The following NEDD4 variants were observed in gnomAD, a reference collection of about 807,000 sequenced individuals.
NEDD4 encodes NEDD4 E3 ubiquitin protein ligase, also known as E3 ubiquitin-protein ligase NEDD4.
NEDD4 carries 99 observed loss-of-function variants against 144.9 expected under a neutral mutation model. The observed-to-expected ratio is 0.68, with a 90% CI of 0.58 to 0.81. NEDD4 has a LOEUF of 0.81. Among genes scored for constraint, NEDD4 ranks in the 30% least tolerant of loss-of-function variants. The pLI, the probability that NEDD4 is intolerant of heterozygous loss-of-function variation, is 0.00. For missense variants in NEDD4, 985 were observed against 1,065.9 expected (o/e 0.92, Z 1.06); for synonymous variants, 318 against 350.6 (o/e 0.91, Z 1.04).
chr15:55,912,487 T>G (rs1400832855), intron 5 of NEDD4, among the ~76,000 whole-genome samples: 2 of 152,002 alleles, frequency 1.3e-5, no homozygotes, highest in Non-Finnish European at 2.9e-5. Flanking sequence ...CTAATAAAAA[T>G]ATGAATATAA....
intron 4 of NEDD4, among the ~76,000 whole-genome samples, chr15:55,946,831 C>T (rs1180179641): frequency 6.6e-6 from 1 of 152,142 alleles, no homozygotes; most frequent in Non-Finnish European, 1.5e-5. Flanking sequence ...TGCAATCAAA[C>T]TAGAACTCAG....
At chr15:55,830,466 T>C (rs12910830) in intron 28 of NEDD4, 48 bp downstream of exon 28, 635,212 of 1,510,730 alleles carry the variant, frequency 0.42, 135,033 homozygotes, top group South Asian at 0.48. Context: ...AACAGAGGAA[T>C]CTCACTCTCT....
chr15:55,926,030 T>C lies in NEDD4; in HGVS notation c.238-1331A>G, dbSNP rs928189718. Among the ~76,000 whole-genome samples the C allele has an allele frequency of 1.3e-4, 20 of 152,204 alleles. 4 individuals are homozygous for C. The highest frequency in any genetic ancestry group is 4.8e-4 in the African/African-American group (20 of 41,552). ...ACAGTATGTAAAATACATATACGTA[T>C]GTATCATATACATATACAGTATGTA... On this transcript the variant is annotated intron_variant, in intron 4 of 28. Transcript: ENST00000435532.
chr15:55,923,533 G>A (rs1296598658), intron 5 of NEDD4, among the ~76,000 whole-genome samples: 1 of 151,690 alleles, frequency 6.6e-6, no homozygotes, highest in East Asian at 1.9e-4. Flanking sequence ...TGTGGTCCCA[G>A]CTACTAGGGA....
At chr15:55,840,271 T>C (rs1245980201) in intron 21 of NEDD4, among the ~76,000 whole-genome samples, 176 bp downstream of exon 21, 2 of 151,724 alleles carry the variant, frequency 1.3e-5, no homozygotes, top group African/African-American at 4.8e-5. Context: ...GTAAAATTCT[T>C]CCAACTTTAT....
At chr15:55,854,889 T>G (rs2034131003) in intron 12 of NEDD4, among the ~76,000 whole-genome samples, 2 of 152,258 alleles carry the variant, frequency 1.3e-5, no homozygotes, top group Non-Finnish European at 2.9e-5. Context: ...CCATCTAAAA[T>G]TGTGTCTTGG....
chr15:55,866,754 A>C (rs1293534834), intron 8 of NEDD4, among the ~76,000 whole-genome samples: 1 of 152,204 alleles, frequency 6.6e-6, no homozygotes, highest in Non-Finnish European at 1.5e-5. Context: ...TAAGGGCTTA[A>C]AAAAGACCTG....
rs2033124775 is a variant in NEDD4 at position 55,834,911 on chromosome 15, GCCT to G, written c.2263-628_2263-626del. Among the ~76,000 whole-genome samples, 3 of 152,072 alleles carry G rather than the reference GCCT, an allele frequency of 2.0e-5. No homozygotes were observed. The South Asian group carries it at 6.2e-4, about 32-fold the overall frequency. ...CCAACCATCACCAACACCCATCATG[GCCT>G]CCTTCCCACCGCAGTGCCGCCTCTT... is the stretch of plus-strand genomic sequence containing the variant. On this transcript the variant is annotated intron_variant, in intron 24 of 28. Coordinates refer to ENST00000435532, the MANE Select transcript of NEDD4 (RefSeq NM_006154.4).
In NEDD4 at chr15:55,865,070, C is replaced by T. The variant is rs570542293; in HGVS notation, c.508-1991G>A. Among the ~76,000 whole-genome samples the T allele has an allele frequency of 4.2e-4, 63 of 151,650 alleles. 2 individuals carry two copies. The South Asian group carries it at 8.8e-3, about 21-fold the overall frequency. On this transcript the variant is annotated intron_variant, in intron 8 of 28. Transcript: ENST00000435532. ...AAAATTAGCCGGGCATGGTGGCGGG[C>T]GCCTGTAATCCCAGCTACTCGAGAG...
intron 2 of NEDD4, among the ~76,000 whole-genome samples, chr15:55,954,475 C>T (rs1566967627): frequency 6.6e-6 from 1 of 151,906 alleles, no homozygotes; most frequent in African/African-American, 2.4e-5. Context: ...ATCTCACCAT[C>T]CAGCTAAACA....
intron 4 of NEDD4, among the ~76,000 whole-genome samples, chr15:55,946,521 C>T (rs2037116738): frequency 6.6e-6 from 1 of 152,108 alleles, no homozygotes; most frequent in African/African-American, 2.4e-5. Flanking sequence ...TCCTTAGAGA[C>T]CTACAAAGAG....
intron 1 of NEDD4, among the ~76,000 whole-genome samples, chr15:55,968,735 G>A (rs1036591456): frequency 7.2e-5 from 11 of 152,154 alleles, no homozygotes; most frequent in Admixed American, 2.0e-4. Flanking sequence ...GCTTACTAAA[G>A]TTCTAAAATA....
intron 4 of NEDD4, among the ~76,000 whole-genome samples, chr15:55,935,432 C>G (rs2036866584): frequency 6.6e-6 from 1 of 152,066 alleles, no homozygotes; most frequent in Admixed American, 6.6e-5. Context: ...TCCTCTAAGC[C>G]TTAGGGTAAC....
At chr15:55,904,501 C>T (rs1000151721) in intron 5 of NEDD4, among the ~76,000 whole-genome samples, 10 of 152,018 alleles carry the variant, frequency 6.6e-5, no homozygotes, top group Non-Finnish European at 1.3e-4. Context: ...CGAGGTTTTA[C>T]CATGCTGGCC....
chr15:55,959,833 A>C (rs1241728229), intron 2 of NEDD4, among the ~76,000 whole-genome samples: 7 of 152,196 alleles, frequency 4.6e-5, no homozygotes, highest in African/African-American at 1.7e-4. Context: ...TTGGAAGTGA[A>C]TCCTTCCCTA....
intron 5 of NEDD4, among the ~76,000 whole-genome samples, chr15:55,921,015 A>G (rs1257427728): frequency 6.6e-6 from 1 of 152,224 alleles, no homozygotes; most frequent in Non-Finnish European, 1.5e-5. Flanking sequence ...TAAATGGTAT[A>G]TCTTAGCTAA....
intron 4 of NEDD4, among the ~76,000 whole-genome samples, chr15:55,937,001 C>T (rs533682885): frequency 7.9e-5 from 12 of 152,100 alleles, no homozygotes; most frequent in East Asian, 1.9e-4. Flanking sequence ...CCATATTGGC[C>T]GGGCTGGTCT....
At chr15:55,981,138 G>A (rs1368080937) in intron 1 of NEDD4, among the ~76,000 whole-genome samples, 1 of 151,742 alleles carries the variant, frequency 6.6e-6, no homozygotes, top group African/African-American at 2.4e-5. Context: ...TACCTCCCAG[G>A]TTCAAGCAAT....
chr15:55,991,494 A>T lies in NEDD4; in HGVS notation c.45+2017T>A, dbSNP rs144061443. Among the ~76,000 whole-genome samples, 517 of 152,360 alleles carry T rather than the reference A, an allele frequency of 3.4e-3. 3 individuals carry two copies. The highest frequency in any genetic ancestry group is 0.012 in the African/African-American group (500 of 41,586). ...CCTAGCACAATGCATGGTACAGAGC[A>T]AACAGTAAATGAATGTCTGTTGAAT... On this transcript the variant is annotated intron_variant, in intron 1 of 28. Transcript: ENST00000435532.
Sources: allele counts gnomAD v4.1 joint callset (sites outside exome capture counted in the v4.1 genomes callset), GRCh38; gene constraint gnomAD v4.1.1; transcripts MANE v1.5; gene names NCBI Gene and HGNC (gene_info 2026-07-23, HGNC 2026-07-21).